The following RYR2 variants were observed in gnomAD, a reference collection of about 807,000 sequenced individuals.
RYR2 encodes the protein ryanodine receptor 2, also known as cardiac muscle ryanodine receptor-calcium release channel.
RYR2 carries 227 observed loss-of-function variants against 601.1 expected under a neutral mutation model. The ratio of observed to expected loss-of-function variants is 0.38; its 90% confidence interval spans 0.34 to 0.42. The LOEUF (loss-of-function observed/expected upper bound fraction) is 0.42. Ranked by LOEUF, RYR2 falls within the 10% of genes least tolerant of loss-of-function variation. The pLI is 1.00. For missense variants in RYR2, 4,646 were observed against 6,156.5 expected, an observed-to-expected ratio of 0.75 and a Z score of 8.21; for synonymous variants, 2,223 against 2,175.1, an observed-to-expected ratio of 1.02 and a Z score of -0.61.
chr1:237,739,302 C>T (rs998188300), intron 79 of RYR2, among the ~76,000 whole-genome samples: 1 of 152,168 alleles, frequency 6.6e-6, no homozygotes, highest in African/African-American at 2.4e-5. Context: ...TTTAAAAAAT[C>T]CTATGGAGAA....
rs149961726 is a variant in RYR2 at position 237,329,949 on chromosome 1, G to A, written c.169-929G>A. 4.1e-4 allele frequency among the ~76,000 whole-genome samples: 62 copies of A among 152,278 alleles called. 1 individual carries two copies. The highest frequency in any genetic ancestry group is 1.4e-3 in the African/African-American group (60 of 41,564). On this transcript the variant is annotated intron_variant, in intron 2 of 104. Transcript: ENST00000366574. Reference sequence around the variant, plus strand: ...AGGACCAAGTTAGAGGCAAAATATAGCATCCAACTTGAATAAAACAAAGTA... The same window carrying A: ...AGGACCAAGTTAGAGGCAAAATATAACATCCAACTTGAATAAAACAAAGTA...
intron 71 of RYR2, among the ~76,000 whole-genome samples, chr1:237,713,737 G>A (rs1689031788): frequency 1.3e-5 from 2 of 152,090 alleles, no homozygotes; most frequent in Admixed American, 1.3e-4. Flanking sequence ...AGATAGATAG[G>A]TAGATAGCAT....
chr1:237,446,904 GC>G (rs1708391431), intron 14 of RYR2, among the ~76,000 whole-genome samples: 2 of 151,980 alleles, frequency 1.3e-5, no homozygotes, highest in South Asian at 4.2e-4. Flanking sequence ...ACATTTTAAT[GC>G]ATTATAAAAC....
chr1:237,094,782 G>A (rs543837246), intron 1 of RYR2, among the ~76,000 whole-genome samples: 48 of 152,038 alleles, frequency 3.2e-4, no homozygotes, highest in Non-Finnish European at 5.9e-4. Flanking sequence ...CGGTAGAGAC[G>A]GGGTTTCACC....
At chr1:237,308,767 T>C (rs1369068480) in intron 2 of RYR2, among the ~76,000 whole-genome samples, 2 of 152,348 alleles carry the variant, frequency 1.3e-5, no homozygotes, top group Admixed American at 6.5e-5. Context: ...ACAAAGCTTC[T>C]ACACCGTGGA....
intron 70 of RYR2, among the ~76,000 whole-genome samples, chr1:237,711,299 T>C (rs953347238): frequency 1.3e-5 from 2 of 152,230 alleles, no homozygotes; most frequent in East Asian, 3.8e-4. Context: ...AGTCTTTTTA[T>C]GTTCCCAAAT....
At chr1:237,053,757 A>G (rs75438161) in intron 1 of RYR2, among the ~76,000 whole-genome samples, 2,164 of 152,226 alleles carry the variant, frequency 0.014, 50 homozygotes, top group African/African-American at 0.049. Flanking sequence ...TCTACTACAC[A>G]GTGGACATAA....
intron 1 of RYR2, among the ~76,000 whole-genome samples, chr1:237,081,165 G>C (rs1300530536): frequency 7.6e-6 from 1 of 131,146 alleles, no homozygotes; most frequent in Admixed American, 7.9e-5. Context: ...AGCATTGGAA[G>C]ATATACCTAA....
chr1:237,351,296 C>T (rs987206493), intron 3 of RYR2, among the ~76,000 whole-genome samples: 2 of 151,444 alleles, frequency 1.3e-5, no homozygotes, highest in East Asian at 1.9e-4. Context: ...CTCAAGAAGA[C>T]AAAAAGAAAA....
chr1:237,569,228 C>G lies in RYR2; in HGVS notation c.3507C>G (p.Asn1169Lys), dbSNP rs746106606. ...GDVVGCMVDM[N>K]EHTMMFTLNG... ...TCGTGGGGTGTATGGTTGACATGAA[C>G]GAACACACCATGATGTTCACACTGA... is the stretch of plus-strand genomic sequence containing the variant. The change falls in exon 29 of 105, where the codon AAC (asparagine) becomes AAG (lysine). Residue 1169 changes from asparagine (N) to lysine (K), a missense_variant. Coordinates refer to ENST00000366574, the MANE Select transcript of RYR2 (RefSeq NM_001035.3). 5 of 1,613,788 alleles carry G rather than the reference C, an allele frequency of 3.1e-6. No individual in the cohort carries two copies. The highest frequency in any genetic ancestry group is 1.1e-5 in the South Asian group (1 of 91,082).
intron 16 of RYR2, among the ~76,000 whole-genome samples, chr1:237,466,333 A>T (rs1660081147): frequency 6.6e-6 from 1 of 151,888 alleles, no homozygotes; most frequent in Admixed American, 6.6e-5. Flanking sequence ...ACCTGGAAAA[A>T]TTTTTTAAAA....
Position 237,390,596 on chromosome 1 carries a change from G to A in RYR2, c.773+2413G>A, listed in dbSNP as rs531472291. Among the ~76,000 whole-genome samples, 18 of 152,274 alleles carry A rather than the reference G, an allele frequency of 1.2e-4. No individual in the cohort carries two copies. In the South Asian group the frequency reaches 3.7e-3, roughly 32 times the overall value. Reference sequence around the variant, plus strand: ...GATTGAAAAGTTTGAGGGACTCTGGGCATATGGATGACAGAATGGCAGAGC... The same window carrying A: ...GATTGAAAAGTTTGAGGGACTCTGGACATATGGATGACAGAATGGCAGAGC... On this transcript the variant is annotated intron_variant, in intron 10 of 104. Coordinates refer to ENST00000366574, the MANE Select transcript of RYR2 (RefSeq NM_001035.3).
chr1:237,628,214 C>CT (rs544291146), intron 41 of RYR2, 134 bp downstream of exon 41: 54 of 1,088,958 alleles, frequency 5.0e-5, no homozygotes, highest in Middle Eastern at 6.2e-4. Context: ...AATAGCTTTT[C>CT]TTTTTTTTAT....
intron 65 of RYR2, 106 bp from the exon 66 acceptor site, chr1:237,701,872 A>G: frequency 1.7e-6 from 1 of 595,460 alleles, no homozygotes; most frequent in Non-Finnish European, 3.0e-6. Context: ...CTTTTTATGG[A>G]TGAATAGTAT....
chr1:237,597,642 A>G (rs916348071), intron 34 of RYR2, among the ~76,000 whole-genome samples: 2 of 151,934 alleles, frequency 1.3e-5, no homozygotes, highest in African/African-American at 4.8e-5. Context: ...TAACTACAAT[A>G]TTGTTTGTCT....
chr1:237,211,834 T>C (rs1304584646), intron 1 of RYR2, among the ~76,000 whole-genome samples: 1 of 152,168 alleles, frequency 6.6e-6, no homozygotes, highest in Non-Finnish European at 1.5e-5. Context: ...GACAGCATGA[T>C]TTATTTACTC....
rs551440306 is a variant in RYR2, at chr1:237,067,477, C to T, written c.48+24908C>T. 5.4e-4 allele frequency among the ~76,000 whole-genome samples: 82 copies of T among 152,106 alleles called. 1 individual carries two copies. The highest frequency in any genetic ancestry group is 1.7e-3 in the African/African-American group (70 of 41,516). ...AGGGCTATTTCTGTGTTCTGTATTC[C>T]GCTTCATTCGTCTATGTGTCTAGCT... On this transcript the variant is annotated intron_variant, in intron 1 of 104. Coordinates refer to ENST00000366574, the MANE Select transcript of RYR2 (RefSeq NM_001035.3).
In RYR2 at chr1:237,530,460, A is replaced by G; in HGVS notation, c.2856A>G (p.Ile952Met). 2 of 1,609,740 alleles carry G rather than the reference A, an allele frequency of 1.2e-6. No individual in the cohort carries two copies. Among genetic ancestry groups the G allele is most frequent in the Non-Finnish European group, 1.7e-6 (2 of 1,177,934 alleles). Residue 952 changes from isoleucine (I) to methionine (M), a missense_variant, in exon 25 of 105, where the codon ATA becomes ATG. Physicochemically the swap from Ile to Met is conservative, Grantham distance 10. Transcript: ENST00000366574. ...TGGCATTAGGATGTCATGTGGGTAT[A>G]TCAGATGAACATGCTGAAGACAAGG... ...TLLALGCHVG[I>M]SDEHAEDKVK...
chr1:237,807,286 A>G (rs1368672892), intron 99 of RYR2, among the ~76,000 whole-genome samples: 1 of 152,178 alleles, frequency 6.6e-6, no homozygotes, highest in East Asian at 1.9e-4. Context: ...GTTTCTACAT[A>G]AAAGGTCCGG....
Sources: gnomAD v4.1 joint callset for allele counts (sites outside exome capture counted in the v4.1 genomes callset) on GRCh38, gnomAD v4.1.1 for gene constraint, MANE v1.5 for transcripts, NCBI Gene and HGNC (gene_info 2026-07-23, HGNC 2026-07-21) for gene names.